The following SEC24B variants were observed in gnomAD, a reference collection of about 807,000 sequenced individuals.
The protein encoded by SEC24B is SEC24 homolog B, COPII component, also known as protein transport protein Sec24B.
A neutral mutation model predicts 142.8 loss-of-function variants in SEC24B; 45 were observed. The observed-to-expected ratio is 0.32, with a 90% CI of 0.25 to 0.40. The LOEUF is 0.40. Among genes scored for constraint, SEC24B ranks in the 10% least tolerant of loss-of-function variants. The pLI, the probability that SEC24B is intolerant of heterozygous loss-of-function variation, is 1.00. For synonymous variants in SEC24B, 574 were observed against 568.2 expected, an observed-to-expected ratio of 1.01 and a Z score of -0.15; for missense variants, 1,409 against 1,526.8, an observed-to-expected ratio of 0.92 and a Z score of 1.29.
At chr4:109,520,689 G>A (rs1432058614) in intron 12 of SEC24B, among the ~76,000 whole-genome samples, 3 of 152,120 alleles carry the variant, frequency 2.0e-5, no homozygotes, top group African/African-American at 7.2e-5. Flanking sequence ...TACAGAGTGT[G>A]TATATTTAAT....
intron 2 of SEC24B, among the ~76,000 whole-genome samples, chr4:109,464,209 G>A (rs1362001059): frequency 6.6e-6 from 1 of 151,966 alleles, no homozygotes. Flanking sequence ...AGAATACCCT[G>A]GTATTCAGCC....
At chr4:109,461,479 A>G (rs958654883) in intron 1 of SEC24B, among the ~76,000 whole-genome samples, 5 of 152,230 alleles carry the variant, frequency 3.3e-5, no homozygotes, top group African/African-American at 9.6e-5. Flanking sequence ...TTATATCTCT[A>G]CAATAAAGTA....
Position 109,433,874 on chromosome 4 carries a change from C to G in SEC24B, c.5C>G (p.Ser2Trp), listed in dbSNP as rs1728096940. MSAPAGSSHPAA... is the reference protein window; with the variant it reads MWAPAGSSHPAA... Reference sequence around the variant, plus strand: ...GCCGTCGCCACCAGCGCCGTCATGTCGGCCCCCGCCGGGTCCTCTCACCCG... The same window carrying G: ...GCCGTCGCCACCAGCGCCGTCATGTGGGCCCCCGCCGGGTCCTCTCACCCG... The change falls in exon 1 of 24, where the codon TCG (serine) becomes TGG (tryptophan). Residue 2 changes from serine (S) to tryptophan (W), a missense_variant. Transcript: ENST00000265175. 5 of 1,333,334 alleles carry G rather than the reference C, an allele frequency of 3.8e-6. No homozygotes were observed. The East Asian group carries it at 1.6e-4, about 43-fold the overall frequency. The allele number at this position is 1,333,334 out of a possible 1,614,324, so 82.6% of individuals were successfully genotyped here.
chr4:109,448,286 A>T lies in SEC24B; in HGVS notation c.133+14284A>T, dbSNP rs567632752. 1.6e-4 allele frequency among the ~76,000 whole-genome samples: 25 copies of T among 152,286 alleles called. No homozygotes were observed. The South Asian group carries it at 4.8e-3, about 29-fold the overall frequency. ...ATGGCAAGGTAAACCATTAGAAGGC[A>T]TCAAACCAGGGAGTAACAATATCAG... On this transcript the variant is annotated intron_variant, in intron 1 of 23. Transcript: ENST00000265175.
intron 1 of SEC24B, among the ~76,000 whole-genome samples, chr4:109,435,678 T>C (rs998999406): frequency 2.0e-5 from 3 of 152,244 alleles, no homozygotes; most frequent in South Asian, 2.1e-4. Flanking sequence ...ATGCCAAATA[T>C]AGATGATGCT....
At position 109,532,744 on chromosome 4, in the gene SEC24B, G is replaced by GTAAGCACCCTT. The variant is rs776744863; in HGVS notation, c.3495+4_3495+14dup. 7.0e-7 allele frequency: 1 copy of GTAAGCACCCTT among 1,436,898 alleles called. No homozygotes were observed. Among genetic ancestry groups the GTAAGCACCCTT allele is most frequent in the South Asian group, 1.1e-5 (1 of 87,346 alleles). The allele number at this position is 1,436,898 out of a possible 1,614,324, so 89.0% of individuals were successfully genotyped here. ...TGCTTTCCTTATGGACTGTGGCTCT[G>GTAAGCACCCTT]TAAGCACCCTTTACTGGCAAAGCTT... is the stretch of plus-strand genomic sequence containing the variant. On this transcript the variant is annotated splice_donor_variant, in intron 21 of 23. Coordinates refer to ENST00000265175, the MANE Select transcript of SEC24B (RefSeq NM_006323.5). LOFTEE classifies it high-confidence loss of function.
intron 1 of SEC24B, among the ~76,000 whole-genome samples, chr4:109,462,408 G>A (rs952036421): frequency 6.6e-6 from 1 of 152,192 alleles, no homozygotes; most frequent in Non-Finnish European, 1.5e-5. Flanking sequence ...CTGGGCTATA[G>A]TTATCTCAAG....
chr4:109,532,277 A>G (rs1219057179), intron 20 of SEC24B, among the ~76,000 whole-genome samples: 1 of 152,048 alleles, frequency 6.6e-6, no homozygotes, highest in East Asian at 1.9e-4. Flanking sequence ...CTGTGTGAAA[A>G]CTGTATTCTT....
In SEC24B at chr4:109,507,178, CT is replaced by C. The variant is rs566983118; in HGVS notation, c.1673+667del. On this transcript the variant is annotated intron_variant, in intron 7 of 23. Transcript: ENST00000265175. ...TGTATCCTATGAATAGGATATCCCC[CT>C]GGTCCTAGTTTTTTTCTTTTTTTGG... 3.7e-3 allele frequency among the ~76,000 whole-genome samples: 566 copies of C among 152,196 alleles called. 5 individuals carry two copies. The highest frequency in any genetic ancestry group is 6.2e-3 in the Non-Finnish European group (425 of 68,018).
intron 1 of SEC24B, among the ~76,000 whole-genome samples, chr4:109,447,624 G>T (rs1729606387): frequency 6.7e-6 from 1 of 149,700 alleles, no homozygotes; most frequent in Non-Finnish European, 1.5e-5. Flanking sequence ...TCAAATGTTG[G>T]CAGAGGCATG....
chr4:109,520,428 A>G lies in SEC24B; in HGVS notation c.2189A>G (p.Tyr730Cys). 3.1e-6 allele frequency: 5 copies of G among 1,612,474 alleles called. No homozygotes were observed. The highest frequency in any genetic ancestry group is 1.1e-5 in the South Asian group (1 of 91,026). ...ACCTTTGATAGCACTATTCATTTCT[A>G]CAATTTACAAGAAGGATTATCACAG... ...FMTFDSTIHF[Y>C]NLQEGLSQPQ... The change falls in exon 12 of 24, where the codon TAC becomes TGC. Residue 730 changes from tyrosine (Y) to cysteine (C), a missense_variant. Physicochemically the swap from Tyr to Cys is radical, Grantham distance 194 (BLOSUM62 -2). This residue lies in a region of SEC24B where 700 missense variants were observed against 853.3 expected (regional missense o/e 0.82). Transcript: ENST00000265175.
chr4:109,521,140 A>G lies in SEC24B; in HGVS notation c.2269A>G (p.Ser757Gly), dbSNP rs563911259. The G allele has an allele frequency of 5.9e-6, 9 of 1,521,032 alleles. No homozygotes were observed. In the Admixed American group the frequency reaches 1.5e-4, roughly 26 times the overall value. The allele number at this position is 1,521,032 out of a possible 1,614,324, so 94.2% of individuals were successfully genotyped here. A position where few individuals can be genotyped will look rare whatever the true frequency, so the allele number is the denominator to read the frequency against. The change falls in exon 13 of 24, where the codon AGT becomes GGT. Residue 757 changes from serine to glycine, a missense_variant. Ser to Gly is a moderately conservative substitution (Grantham distance 56). Around this residue, in one of 2 missense-constraint regions of SEC24B, gnomAD observed 700 missense variants for 853.3 expected, o/e 0.82. Transcript: ENST00000265175. ...AGATGTTTTTCTACCTACACCGGAT[A>G]GTTTACTTGTGAATCTATATGAAAG... The part of the protein sequence containing the change: ...IDDVFLPTPD[S>G]LLVNLYESKE...
At chr4:109,454,097 C>T (rs912168364) in intron 1 of SEC24B, among the ~76,000 whole-genome samples, 2 of 152,106 alleles carry the variant, frequency 1.3e-5, no homozygotes, top group African/African-American at 4.8e-5. Flanking sequence ...ACCTCAGGCA[C>T]ACCTGGCCAA....
At position 109,473,247 on chromosome 4, in the gene SEC24B, A is replaced by G. The variant is rs139545739; in HGVS notation, c.1060+61A>G. 5.2e-4 allele frequency: 623 copies of G among 1,209,656 alleles called. 2 individuals carry two copies. In the African/African-American group the frequency reaches 8.8e-3, roughly 17 times the overall value. The allele number at this position is 1,209,656 out of a possible 1,614,324, so 74.9% of individuals were successfully genotyped here. Reference sequence around the variant, plus strand: ...ACACACATACGTATTTATAGAAGATATGAAAAAAAGTTACTTATAATCTCA... The same window carrying G: ...ACACACATACGTATTTATAGAAGATGTGAAAAAAAGTTACTTATAATCTCA... On this transcript the variant is annotated intron_variant, in intron 3 of 23. Transcript: ENST00000265175.
intron 6 of SEC24B, among the ~76,000 whole-genome samples, chr4:109,496,993 G>A (rs761825954): frequency 6.6e-6 from 1 of 152,246 alleles, no homozygotes; most frequent in Non-Finnish European, 1.5e-5. Flanking sequence ...TTTTGAAATA[G>A]TAAATGGTCT....
At chr4:109,489,005 C>G in intron 4 of SEC24B, among the ~76,000 whole-genome samples, 1 of 151,646 alleles carries the variant, frequency 6.6e-6, no homozygotes, top group Non-Finnish European at 1.5e-5. Flanking sequence ...GGATATTAAC[C>G]CCTTATCAGA....
At position 109,506,569 on chromosome 4, in the gene SEC24B, T is replaced by C; in HGVS notation, c.1673+57T>C. Reference sequence around the variant, plus strand: ...AAGTGATGAAAACATTGTATGACTTTCAAAAATAGTAAAAGTAGTATGTTA... The same window carrying C: ...AAGTGATGAAAACATTGTATGACTTCCAAAAATAGTAAAAGTAGTATGTTA... On this transcript the variant is annotated intron_variant, in intron 7 of 23. Coordinates refer to ENST00000265175, the MANE Select transcript of SEC24B (RefSeq NM_006323.5). 5 of 1,156,728 alleles carry C rather than the reference T, an allele frequency of 4.3e-6. No individual in the cohort carries two copies. In the South Asian group the frequency reaches 1.1e-4, roughly 26 times the overall value. 71.7% of individuals were successfully genotyped at this position (1,156,728 alleles called of 1,614,324 possible).
chr4:109,476,246 C>T (rs1733125605), intron 3 of SEC24B, among the ~76,000 whole-genome samples: 1 of 152,176 alleles, frequency 6.6e-6, no homozygotes, highest in African/African-American at 2.4e-5. Context: ...CTAGGCCTCC[C>T]AAAGTGTTAG....
At chr4:109,503,840 C>T (rs1274415991) in intron 6 of SEC24B, among the ~76,000 whole-genome samples, 1 of 151,926 alleles carries the variant, frequency 6.6e-6, no homozygotes, top group Non-Finnish European at 1.5e-5. Context: ...GTCTCATTCT[C>T]TCCCCTTCAC....
Sources: gnomAD v4.1 joint callset for allele counts (sites outside exome capture counted in the v4.1 genomes callset) on GRCh38, gnomAD v4.1.1 for gene constraint, gnomAD v4.1.1 regional missense constraint, MANE v1.5 for transcripts, NCBI Gene and HGNC (gene_info 2026-07-23, HGNC 2026-07-21) for gene names.